The following HEXB variants were observed in gnomAD, a reference collection of about 807,000 sequenced individuals.
HEXB encodes hexosaminidase subunit beta.
In HEXB, 51 loss-of-function variants were observed where a neutral mutation model predicts 71.2. The ratio of observed to expected loss-of-function variants is 0.72; its 90% CI spans 0.57 to 0.90. The LOEUF (loss-of-function observed/expected upper bound fraction) is 0.90, where lower values mean the gene tolerates loss of function less well. Among genes scored for constraint, HEXB ranks in the 40% least tolerant of loss-of-function variants. The probability of loss-of-function intolerance (pLI) is 0.00; values close to 1 mark genes in which losing one functional copy is unlikely to be tolerated. For missense variants in HEXB, 617 were observed against 677.0 expected, an observed-to-expected ratio of 0.91 and a Z score of 0.98; for synonymous variants, 266 against 249.3, an observed-to-expected ratio of 1.07 and a Z score of -0.63.
At chr5:74,684,072 G>A (rs1296582794), upstream of HEXB, among the ~76,000 whole-genome samples, 12 of 151,980 alleles carry the variant, frequency 7.9e-5, no homozygotes, top group African/African-American at 2.9e-4. Flanking sequence ...GCCCTCCTTC[G>A]CCTTCCAAAG....
intron 1 of HEXB, among the ~76,000 whole-genome samples, chr5:74,650,911 G>A (rs541733338): frequency 8.1e-5 from 10 of 122,832 alleles, no homozygotes; most frequent in East Asian, 4.3e-4. Flanking sequence ...GGGCAACAGC[G>A]TGAGACTCTG....
intron 1 of HEXB, among the ~76,000 whole-genome samples, chr5:74,676,240 T>C (rs542456207): frequency 2.7e-4 from 41 of 152,318 alleles, no homozygotes; most frequent in Admixed American, 2.5e-3. Context: ...CAAGCTTGAG[T>C]AGTGCAACCC....
At chr5:74,677,631 C>G (rs1443673409) in intron 1 of HEXB, among the ~76,000 whole-genome samples, 1 of 151,864 alleles carries the variant, frequency 6.6e-6, no homozygotes, top group Non-Finnish European at 1.5e-5. Context: ...TCTCGCTCTC[C>G]CCACTGTCAC....
intron 1 of HEXB, among the ~76,000 whole-genome samples, chr5:74,650,869 T>G (rs1488810794): frequency 7.3e-6 from 1 of 137,628 alleles, no homozygotes; most frequent in Non-Finnish European, 1.5e-5. Context: ...GAGCTTGCAG[T>G]GAGCTGGGAT....
At chr5:74,657,566 A>C (rs1748243260) in intron 1 of HEXB, among the ~76,000 whole-genome samples, 1 of 152,246 alleles carries the variant, frequency 6.6e-6, no homozygotes, top group Non-Finnish European at 1.5e-5. Context: ...AGCAAGCTCC[A>C]CATGGGGAAG....
intron 1 of HEXB, among the ~76,000 whole-genome samples, chr5:74,661,769 A>G (rs1330732560): frequency 6.6e-6 from 1 of 152,204 alleles, no homozygotes; most frequent in Non-Finnish European, 1.5e-5. Flanking sequence ...CCTACAAAAC[A>G]AATTGAAAGA....
chr5:74,648,586 C>T (rs1748043823), intron 1 of HEXB, among the ~76,000 whole-genome samples: 1 of 152,060 alleles, frequency 6.6e-6, no homozygotes, highest in Admixed American at 6.5e-5. Context: ...CGGGGTTTTC[C>T]AAAACTGCAC....
intron 5 of HEXB, among the ~76,000 whole-genome samples, chr5:74,702,372 C>G (rs1749285500): frequency 6.6e-6 from 1 of 152,124 alleles, no homozygotes; most frequent in African/African-American, 2.4e-5. Context: ...GCCACCGCGC[C>G]CGGCCTCCTT....
chr5:74,650,862 C>T (rs1201605168), intron 1 of HEXB, among the ~76,000 whole-genome samples: 2 of 143,884 alleles, frequency 1.4e-5, no homozygotes, highest in African/African-American at 2.6e-5. Context: ...GGAGGCAGAG[C>T]TTGCAGTGAG....
intron 3 of HEXB, 28 bp from the exon 4 acceptor site, chr5:74,696,665 T>G (rs1749119200): frequency 8.5e-7 from 1 of 1,182,628 alleles, no homozygotes; most frequent in Admixed American, 1.7e-5. Flanking sequence ...GATTTATAAA[T>G]TAATGCAATA....
intron 1 of HEXB, among the ~76,000 whole-genome samples, chr5:74,669,253 G>A (rs1299592048): frequency 2.0e-5 from 3 of 151,918 alleles, no homozygotes; most frequent in African/African-American, 7.3e-5. Context: ...AGTTCAAAGA[G>A]TACCTTTAAA....
At chr5:74,689,282 T>G (rs41271747) in intron 1 of HEXB, 46 bp from the exon 2 acceptor site, 4 of 1,505,602 alleles carry the variant, frequency 2.7e-6, no homozygotes, top group Non-Finnish European at 3.7e-6. Context: ...TTTAAAAATT[T>G]GGCTAAAATC....
At position 74,721,206 on chromosome 5, in the gene HEXB, T is replaced by G. The variant is rs772432450; in HGVS notation, c.*31T>G. On this transcript the variant is annotated 3_prime_UTR_variant, in exon 14 of 14. Coordinates refer to ENST00000261416, the MANE Select transcript of HEXB (RefSeq NM_000521.4). The stretch of plus-strand genomic sequence containing the variant: ...GGAGGGGAAAAAGGCCACAGCAATC[T>G]GTACTACAATCAACTTTATTTTGAA... The G allele has an allele frequency of 6.7e-7, 1 of 1,488,000 alleles. No homozygotes were observed. Among genetic ancestry groups the G allele is most frequent in the South Asian group, 1.1e-5 (1 of 88,450 alleles). The allele number at this position is 1,488,000 out of a possible 1,614,324, so 92.2% of individuals were successfully genotyped here. A position where few individuals can be genotyped will look rare whatever the true frequency, so the allele number is the denominator to read the frequency against.
chr5:74,692,874 C>A (rs1364520995), intron 2 of HEXB, among the ~76,000 whole-genome samples: 3 of 152,188 alleles, frequency 2.0e-5, no homozygotes, highest in Admixed American at 2.0e-4. Context: ...CACTCCAGAC[C>A]TCTCTAAAAG....
Position 74,711,739 on chromosome 5 carries a change from A to G in HEXB, c.772-1767A>G, listed in dbSNP as rs555576181. ...CAAATCAAAACCACAATGAGATACC[A>G]TCTCACACCATTTAGAATGGCAATC... On this transcript the variant is annotated intron_variant, in intron 6 of 13. Transcript: ENST00000261416. 3.7e-3 allele frequency among the ~76,000 whole-genome samples: 558 copies of G among 152,222 alleles called. 6 individuals carry two copies. Among genetic ancestry groups the G allele is most frequent in the African/African-American group, 0.013 (535 of 41,520 alleles).
chr5:74,711,377 A>G (rs1010525462), intron 6 of HEXB, among the ~76,000 whole-genome samples: 1 of 150,366 alleles, frequency 6.7e-6, no homozygotes, highest in Non-Finnish European at 1.5e-5. Flanking sequence ...AGGCATGGGC[A>G]AGGACTTCAT....
chr5:74,653,852 G>T (rs1040423040), intron 1 of HEXB, among the ~76,000 whole-genome samples: 9 of 152,098 alleles, frequency 5.9e-5, no homozygotes, highest in Admixed American at 1.3e-4. Flanking sequence ...TATGTGTCTG[G>T]TTATAGAGGT....
chr5:74,677,487 C>CTTTTTTT (rs1561210601), intron 1 of HEXB, among the ~76,000 whole-genome samples: 1 of 129,972 alleles, frequency 7.7e-6, no homozygotes, highest in Non-Finnish European at 1.6e-5. Context: ...TTTTCTTCTT[C>CTTTTTTT]TTCTTTTTTT....
At chr5:74,699,696 C>G (rs1046044045) in intron 5 of HEXB, among the ~76,000 whole-genome samples, 2 of 152,110 alleles carry the variant, frequency 1.3e-5, no homozygotes, top group African/African-American at 2.4e-5. Context: ...TATTTGTACA[C>G]TTGATAAGAT....
Sources: allele counts gnomAD v4.1 joint callset (sites outside exome capture counted in the v4.1 genomes callset), GRCh38; gene constraint gnomAD v4.1.1; transcripts MANE v1.5; gene names NCBI Gene and HGNC (gene_info 2026-07-23, HGNC 2026-07-21).